FAM13A: variants seen among roughly 807,000 people sequenced by gnomAD.
The protein encoded by FAM13A is protein FAM13A.
A neutral mutation model predicts 129.6 loss-of-function variants in FAM13A; 76 were observed. The observed-to-expected ratio is 0.59, with a 90% CI of 0.49 to 0.71. The LOEUF (loss-of-function observed/expected upper bound fraction) is 0.71, where lower values mean the gene tolerates loss of function less well. FAM13A is among the 30% of genes least tolerant of loss of function. FAM13A has a pLI of 0.00. For missense variants in FAM13A, 1,108 were observed against 1,249.3 expected (o/e 0.89, Z 1.70); for synonymous variants, 443 against 449.9 (o/e 0.98, Z 0.20).
At chr4:88,907,764 T>C (rs1484151601) in intron 5 of FAM13A, among the ~76,000 whole-genome samples, 1 of 152,236 alleles carries the variant, frequency 6.6e-6, no homozygotes, top group Non-Finnish European at 1.5e-5. Flanking sequence ...TACCTTTATA[T>C]ATTACTCATC....
At chr4:89,037,731 G>A (rs2149148912) in intron 1 of FAM13A, among the ~76,000 whole-genome samples, 1 of 152,306 alleles carries the variant, frequency 6.6e-6, no homozygotes. Flanking sequence ...CCTGGTGGGA[G>A]GTAATTAGAC....
At chr4:88,991,416 C>A (rs935595380) in intron 3 of FAM13A, among the ~76,000 whole-genome samples, 1 of 151,860 alleles carries the variant, frequency 6.6e-6, no homozygotes, top group Non-Finnish European at 1.5e-5. Context: ...CCAGCCTGGG[C>A]AACAGGGAGA....
chr4:89,035,799 T>C (rs1195665021), intron 1 of FAM13A, among the ~76,000 whole-genome samples: 2 of 152,216 alleles, frequency 1.3e-5, no homozygotes, highest in Admixed American at 6.5e-5. Flanking sequence ...TATTTTTCCT[T>C]TGCCTTCACC....
chr4:88,986,553 T>C (rs994064901), intron 4 of FAM13A, among the ~76,000 whole-genome samples: 1 of 152,270 alleles, frequency 6.6e-6, no homozygotes, highest in Admixed American at 6.5e-5. Context: ...CTCAACCATA[T>C]GCCAAATGGC....
At chr4:88,784,817 C>T (rs1291608690) in intron 10 of FAM13A, among the ~76,000 whole-genome samples, 1 of 151,876 alleles carries the variant, frequency 6.6e-6, no homozygotes, top group African/African-American at 2.4e-5. Context: ...TTCCATATAC[C>T]CATTACCAAA....
intron 4 of FAM13A, among the ~76,000 whole-genome samples, chr4:88,959,990 C>T (rs1021875828): frequency 5.3e-5 from 8 of 152,154 alleles, no homozygotes; most frequent in Non-Finnish European, 1.0e-4. Context: ...GCCTGGTTCT[C>T]GGCAAGAAGG....
At chr4:88,927,302 C>T (rs997773177) in intron 5 of FAM13A, among the ~76,000 whole-genome samples, 2 of 151,742 alleles carry the variant, frequency 1.3e-5, no homozygotes, top group Non-Finnish European at 2.9e-5. Flanking sequence ...GATTTCTGTA[C>T]ATCAAATTTG....
chr4:88,843,645 C>T (rs114716929), intron 7 of FAM13A, among the ~76,000 whole-genome samples: 21 of 152,320 alleles, frequency 1.4e-4, no homozygotes, highest in African/African-American at 5.1e-4. Flanking sequence ...TGTTGTTGAA[C>T]ACTGATTCAT....
Position 88,906,288 on chromosome 4 carries a change from AAAAC to A in FAM13A, c.843+87_843+90del, listed in dbSNP as rs369611615. The A allele has an allele frequency of 7.8e-3, 7,330 of 937,690 alleles. 403 individuals carry two copies. In the South Asian group the frequency reaches 0.098, roughly 12 times the overall value. 58.1% of individuals were successfully genotyped at this position (937,690 alleles called of 1,614,324 possible). On this transcript the variant is annotated intron_variant, in intron 6 of 23. Coordinates refer to ENST00000264344, the MANE Select transcript of FAM13A (RefSeq NM_014883.4). ...GGACGATAAAGCAAGACTCTGTCTC[AAAAC>A]AAACAAACAAACAAACAAAAACAAC...
chr4:88,883,353 A>G (rs1384279524), intron 6 of FAM13A, among the ~76,000 whole-genome samples: 4 of 152,146 alleles, frequency 2.6e-5, no homozygotes, highest in African/African-American at 7.2e-5. Context: ...AATCAACTCC[A>G]AAAGAACCTT....
At chr4:88,816,972 T>G (rs1277215033) in intron 7 of FAM13A, among the ~76,000 whole-genome samples, 3 of 152,170 alleles carry the variant, frequency 2.0e-5, no homozygotes, top group Non-Finnish European at 4.4e-5. Flanking sequence ...AAGGTGGAAA[T>G]AACCCAAATG....
At chr4:88,762,194 G>C (rs1372618658) in intron 13 of FAM13A, among the ~76,000 whole-genome samples, 1 of 152,158 alleles carries the variant, frequency 6.6e-6, no homozygotes, top group Non-Finnish European at 1.5e-5. Context: ...ATAGTACAGA[G>C]GTCAGTGTTT....
intron 2 of FAM13A, among the ~76,000 whole-genome samples, chr4:89,027,098 C>G (rs904633485): frequency 3.3e-5 from 5 of 152,204 alleles, no homozygotes; most frequent in African/African-American, 1.2e-4. Context: ...ATGCCTGAAA[C>G]CTTGGATAGT....
At chr4:88,862,959 T>C (rs1057425853) in intron 6 of FAM13A, among the ~76,000 whole-genome samples, 1 of 151,886 alleles carries the variant, frequency 6.6e-6, no homozygotes, top group Non-Finnish European at 1.5e-5. Context: ...CCTTTTTTAT[T>C]TTTTCTTCCT....
intron 7 of FAM13A, among the ~76,000 whole-genome samples, chr4:88,834,082 T>C (rs1325445056): frequency 8.0e-6 from 1 of 125,770 alleles, no homozygotes; most frequent in Non-Finnish European, 1.7e-5. Context: ...TTTTTTTTTT[T>C]ACTTTTTTTT....
intron 7 of FAM13A, among the ~76,000 whole-genome samples, chr4:88,843,216 G>C (rs932527197): frequency 6.6e-6 from 1 of 152,198 alleles, no homozygotes; most frequent in Non-Finnish European, 1.5e-5. Flanking sequence ...AAACATCTCA[G>C]GAAATGGCAG....
At chr4:88,927,409 C>T (rs1752372079) in intron 5 of FAM13A, among the ~76,000 whole-genome samples, 1 of 149,146 alleles carries the variant, frequency 6.7e-6, no homozygotes, top group Admixed American at 6.7e-5. Flanking sequence ...GATAATTTGA[C>T]TTACTCTACT....
chr4:88,961,346 C>CTTTTTTTTT (rs1560548919), intron 4 of FAM13A, among the ~76,000 whole-genome samples: 2 of 89,326 alleles, frequency 2.2e-5, no homozygotes, highest in Non-Finnish European at 4.6e-5. Flanking sequence ...GTGGAATTTG[C>CTTTTTTTTT]CTTTTTTTTT....
intron 3 of FAM13A, among the ~76,000 whole-genome samples, chr4:89,008,622 C>T (rs973224483): frequency 1.3e-5 from 2 of 152,180 alleles, no homozygotes; most frequent in Non-Finnish European, 2.9e-5. Flanking sequence ...CAGATCCCAA[C>T]TCTGCACAAT....
Sources: allele counts gnomAD v4.1 joint callset (sites outside exome capture counted in the v4.1 genomes callset), GRCh38; gene constraint gnomAD v4.1.1; transcripts MANE v1.5; gene names NCBI Gene and HGNC (gene_info 2026-07-23, HGNC 2026-07-21).